The following SHISAL1 variants were observed in gnomAD, a reference collection of about 807,000 sequenced individuals.
SHISAL1 encodes the protein protein shisa-like-1.
In SHISAL1, 9 loss-of-function variants were observed where a neutral mutation model predicts 22.6. The ratio of observed to expected loss-of-function variants is 0.40; its 90% CI spans 0.24 to 0.70. The LOEUF (loss-of-function observed/expected upper bound fraction) is 0.70, where lower values mean the gene tolerates loss of function less well. Among genes scored for constraint, SHISAL1 ranks in the 30% least tolerant of loss-of-function variants. The pLI is 0.39. For synonymous variants in SHISAL1, 119 were observed against 115.4 expected, an observed-to-expected ratio of 1.03 and a Z score of -0.20; for missense variants, 246 against 270.6, an observed-to-expected ratio of 0.91 and a Z score of 0.64.
chr22:44,322,470 T>C, the SHISAL1 span, among the ~76,000 whole-genome samples: 3 of 152,280 alleles, frequency 2.0e-5, no homozygotes, highest in African/African-American at 7.2e-5. Context: ...CTCCGCCAAC[T>C]CCAAATCCAC....
intron 4 of SHISAL1, among the ~76,000 whole-genome samples, chr22:44,274,683 A>G (rs2055227613): frequency 6.6e-6 from 1 of 152,216 alleles, no homozygotes; most frequent in South Asian, 2.1e-4. Flanking sequence ...CGCTGATTCA[A>G]TAGGAGAACA....
chr22:44,302,560 A>G (rs922962049), intron 1 of SHISAL1, among the ~76,000 whole-genome samples: 1 of 152,216 alleles, frequency 6.6e-6, no homozygotes, highest in Non-Finnish European at 1.5e-5. Flanking sequence ...CCTTTGAGTG[A>G]GGCGGGAGAG....
intron 4 of SHISAL1, among the ~76,000 whole-genome samples, chr22:44,282,015 G>A (rs528076024): frequency 1.4e-4 from 21 of 152,354 alleles, no homozygotes; most frequent in African/African-American, 5.1e-4. Context: ...GATGGAGTGC[G>A]TGTCTGTGGG....
chr22:44,313,964 G>T (rs2055540520), upstream of SHISAL1, among the ~76,000 whole-genome samples: 1 of 152,176 alleles, frequency 6.6e-6, no homozygotes, highest in African/African-American at 2.4e-5. Context: ...GTGCCACGAT[G>T]GGAAACCAGG....
At chr22:44,298,498 G>C (rs2055403185) in intron 2 of SHISAL1, among the ~76,000 whole-genome samples, 2 of 152,254 alleles carry the variant, frequency 1.3e-5, no homozygotes, top group African/African-American at 2.4e-5. Context: ...GCGGCAAGGG[G>C]CAGAGGCAGC....
intron 3 of SHISAL1, among the ~76,000 whole-genome samples, chr22:44,286,938 C>G (rs536618911): frequency 2.6e-5 from 4 of 152,214 alleles, no homozygotes; most frequent in African/African-American, 9.6e-5. Context: ...CTTCTGGTGT[C>G]GAGGAGGCGT....
At chr22:44,322,818 C>T in the SHISAL1 span, among the ~76,000 whole-genome samples, 223 of 152,350 alleles carry the variant, frequency 1.5e-3, no homozygotes, top group African/African-American at 4.5e-3. Context: ...CCCACCTTGT[C>T]GCTCTCGTCC....
chr22:44,268,866 T>C (rs917218324), intron 4 of SHISAL1, among the ~76,000 whole-genome samples: 1 of 152,122 alleles, frequency 6.6e-6, no homozygotes, highest in Admixed American at 6.5e-5. Flanking sequence ...CCCATGCTTT[T>C]TAATCCTTGT....
intron 4 of SHISAL1, among the ~76,000 whole-genome samples, chr22:44,267,533 T>C (rs1191590945): frequency 1.3e-5 from 2 of 151,876 alleles, no homozygotes; most frequent in Non-Finnish European, 2.9e-5. Flanking sequence ...CGGCAGCCTC[T>C]CTGGTAGACC....
At chr22:44,305,635 CA>C (rs2055465255) in intron 1 of SHISAL1, among the ~76,000 whole-genome samples, 1 of 152,238 alleles carries the variant, frequency 6.6e-6, no homozygotes, top group Non-Finnish European at 1.5e-5. Context: ...GGCCCTCAGG[CA>C]CACCCCGTGG....
the SHISAL1 span, among the ~76,000 whole-genome samples, chr22:44,327,255 C>G: frequency 1.8e-5 from 2 of 108,244 alleles, no homozygotes; most frequent in South Asian, 6.1e-4. Context: ...CACACACACA[C>G]ACACACACAC....
upstream of SHISAL1, among the ~76,000 whole-genome samples, chr22:44,313,373 C>A (rs901569258): frequency 1.3e-5 from 2 of 152,172 alleles, no homozygotes; most frequent in Admixed American, 1.3e-4. Context: ...AACAAACGGT[C>A]CCCACACCAG....
Position 44,253,605 on chromosome 22 carries a change from T to G in SHISAL1, c.*-3920A>C, listed in dbSNP as rs1601774480. ...CCACCATGTCTGGCTAATTTTTTTT[T>G]TTTTTTTTGTATTTTTGGTAGAAAT... is the stretch of plus-strand genomic sequence containing the variant. On this transcript the variant is annotated intron_variant, in intron 4 of 4. Transcript: ENST00000381176. Among the ~76,000 whole-genome samples the G allele has an allele frequency of 4.0e-5, 6 of 151,348 alleles. No individual in the cohort carries two copies. The South Asian group carries it at 1.3e-3, about 32-fold the overall frequency.
At chr22:44,330,246 C>A in the SHISAL1 span, among the ~76,000 whole-genome samples, 1 of 152,212 alleles carries the variant, frequency 6.6e-6, no homozygotes, top group East Asian at 1.9e-4. Context: ...GGCATGGCTG[C>A]CATTCTATCT....
chr22:44,269,549 A>G (rs142334731), intron 4 of SHISAL1, among the ~76,000 whole-genome samples: 269 of 148,282 alleles, frequency 1.8e-3, no homozygotes, highest in Middle Eastern at 3.8e-3. Context: ...CATGCCACAG[A>G]TACAACACTA....
chr22:44,299,043 G>A (rs540303867), intron 2 of SHISAL1, among the ~76,000 whole-genome samples: 18 of 152,340 alleles, frequency 1.2e-4, no homozygotes, highest in South Asian at 2.1e-4. Context: ...TCTCCAAGGC[G>A]GGCTGGGGGC....
At position 44,253,425 on chromosome 22, in the gene SHISAL1, A is replaced by ATTTTTTTTTTTTTTTTTTTT. The variant is rs1491154287; in HGVS notation, c.*-3741_*-3740insAAAAAAAAAAAAAAAAAAAA. Among the ~76,000 whole-genome samples the ATTTTTTTTTTTTTTTTTTTT allele has an allele frequency of 9.3e-5, 10 of 107,884 alleles. 5 individuals carry two copies. Among genetic ancestry groups the ATTTTTTTTTTTTTTTTTTTT allele is most frequent in the African/African-American group, 6.4e-5 (2 of 31,034 alleles). The allele number at this position is 107,884 out of a possible 152,430, so 70.8% of individuals were successfully genotyped here. ...AAGCAGAGTATGCTAGTATTAGTGC[A>ATTTTTTTTTTTTTTTTTTTT]TGTTTTTTTTTTTTTTTTTTTTTGA... On this transcript the variant is annotated intron_variant, in intron 4 of 4. Coordinates refer to ENST00000381176, the MANE Select transcript of SHISAL1 (RefSeq NM_001099294.2).
chr22:44,261,820 GGGGTCATGTGTCCTCCTA>G (rs1381555626), intron 4 of SHISAL1, among the ~76,000 whole-genome samples: 5 of 152,242 alleles, frequency 3.3e-5, no homozygotes, highest in African/African-American at 1.2e-4. Context: ...CCCTGATGCG[GGGGTCATGTGTCCTCCTA>G]GGCACTCTGC....
chr22:44,299,287 C>T lies in SHISAL1; in HGVS notation c.67+1592G>A, dbSNP rs116493594. 2.2e-3 allele frequency among the ~76,000 whole-genome samples: 336 copies of T among 152,324 alleles called. 1 individual carries two copies. Among genetic ancestry groups the T allele is most frequent in the African/African-American group, 7.7e-3 (320 of 41,576 alleles). The stretch of plus-strand genomic sequence containing the variant: ...CGCATTTCGGGCCCCGAAGCCTCAA[C>T]CATGAACGCACCCCTGTGTGCACAG... On this transcript the variant is annotated intron_variant, in intron 2 of 4. Coordinates refer to ENST00000381176, the MANE Select transcript of SHISAL1 (RefSeq NM_001099294.2).
Sources: gnomAD v4.1 joint callset for allele counts (sites outside exome capture counted in the v4.1 genomes callset) on GRCh38, gnomAD v4.1.1 for gene constraint, MANE v1.5 for transcripts, NCBI Gene and HGNC (gene_info 2026-07-23, HGNC 2026-07-21) for gene names.